The following POU5F1 variants were observed in gnomAD, a reference collection of about 807,000 sequenced individuals.
POU5F1 encodes POU domain, class 5, transcription factor 1.
A neutral mutation model predicts 38.3 loss-of-function variants in POU5F1; 6 were observed. The observed-to-expected ratio is 0.16, with a 90% confidence interval of 0.09 to 0.31. POU5F1 has a LOEUF of 0.31. POU5F1 is among the 10% of genes least tolerant of loss of function. The pLI is 1.00. For synonymous variants in POU5F1, 147 were observed against 194.9 expected (o/e 0.75, Z 2.05); for missense variants, 286 against 462.6 (o/e 0.62, Z 3.50).
chr6:31,164,773 G>A lies in POU5F1; in HGVS notation c.911C>T (p.Pro304Leu). ...QREDFEAAGS[P>L]FSGGPVSFPL... ...AAAGGACACTGGTCCCCCTGAGAAA[G>A]GAGACCCAGCAGCCTCAAAATCCTC... Residue 304 changes from proline (P) to leucine (L), a missense_variant, in exon 5 of 5, where the codon CCT becomes CTT. Transcript: ENST00000259915. 6.2e-7 allele frequency: 1 copy of A among 1,611,862 alleles called. No individual in the cohort carries two copies. Among genetic ancestry groups the A allele is most frequent in the Non-Finnish European group, 8.5e-7 (1 of 1,179,004 alleles).
In POU5F1 at chr6:31,170,652, G is replaced by C. The variant is rs1777601227; in HGVS notation, c.-32C>G. The C allele has an allele frequency of 4.6e-6, 7 of 1,527,622 alleles. No individual in the cohort carries two copies. The highest frequency in any genetic ancestry group is 6.2e-6 in the Non-Finnish European group (7 of 1,136,228). 94.6% of individuals were successfully genotyped at this position (1,527,622 alleles called of 1,614,324 possible). On this transcript the variant is annotated 5_prime_UTR_variant, in exon 1 of 5. Coordinates refer to ENST00000259915, the MANE Select transcript of POU5F1 (RefSeq NM_002701.6). ...GGAAGGCGCCCCAAGCCGGGGGCCT[G>C]GTGAAATGAGGGCTTGCGAAGGGAC...
Position 31,166,031 on chromosome 6 carries a change from G to A in POU5F1, c.422C>T (p.Ala141Val), listed in dbSNP as rs149025884. The change falls in exon 2 of 5, where the codon GCT becomes GTT. Residue 141 changes from alanine (A) to valine (V), a missense_variant. Ala to Val is a moderately conservative substitution (Grantham distance 64). Around this residue, in one of 2 missense-constraint regions of POU5F1, gnomAD observed 110 missense variants for 277.8 expected, o/e 0.40. Transcript: ENST00000259915. ...AAATTGCTCGAGTTCTTTCTGCAGA[G>A]CTTTGATGTCCTGGGACTGGATTTT... ...QNPEESQDIK[A>V]LQKELEQFAK... The A allele has an allele frequency of 1.3e-4, 209 of 1,614,116 alleles. 1 individual carries two copies. The highest frequency in any genetic ancestry group is 1.7e-4 in the Non-Finnish European group (206 of 1,180,054).
chr6:31,166,375 T>C, intron 1 of POU5F1: 1 of 1,405,126 alleles, frequency 7.1e-7, no homozygotes, highest in Non-Finnish European at 9.4e-7. Context: ...GGTTAGAAGT[T>C]CTTTGCTGGG....
chr6:31,165,581 T>C lies in POU5F1; in HGVS notation c.647A>G (p.Asn216Ser). 1 of 1,613,974 alleles carries C rather than the reference T, an allele frequency of 6.2e-7. No individual in the cohort carries two copies. Among genetic ancestry groups the C allele is most frequent in the Non-Finnish European group, 8.5e-7 (1 of 1,180,012 alleles). The change falls in exon 3 of 5, where the codon AAT becomes AGT. Residue 216 changes from asparagine (N) to serine (S), a missense_variant. Physicochemically the swap from Asn to Ser is conservative, Grantham distance 46 (BLOSUM62 1). Around this residue, in one of 2 missense-constraint regions of POU5F1, gnomAD observed 110 missense variants for 277.8 expected, o/e 0.40. Coordinates refer to ENST00000259915, the MANE Select transcript of POU5F1 (RefSeq NM_002701.6). This position sits in a 1 kb window ranked among gnomAD's most constrained non-coding sequence, Gnocchi z 6.5. Reference protein sequence around the residue: ...KWVEEADNNENLQEICKAETL... With the variant: ...KWVEEADNNESLQEICKAETL... ...CCCTCCCACCCTTACCTCCTGAAGA[T>C]TTTCATTGTTGTCAGCTTCCTCCAC...
intron 1 of POU5F1, chr6:31,166,941 C>A: frequency 1.0e-6 from 1 of 972,812 alleles, no homozygotes; most frequent in Non-Finnish European, 1.3e-6. Context: ...TTTGTGTGTA[C>A]TTACTCATTT....
At chr6:31,164,912 T>A (rs1777095595) in intron 4 of POU5F1, 45 bp from the exon 5 acceptor site, 1 of 1,588,052 alleles carries the variant, frequency 6.3e-7, no homozygotes. Context: ...GACAATGAGC[T>A]GAGACGGGCC....
At position 31,165,336 on chromosome 6, in the gene POU5F1, T is replaced by C; in HGVS notation, c.658-50A>G. The C allele has an allele frequency of 6.3e-7, 1 of 1,591,926 alleles. No individual in the cohort carries two copies. Among genetic ancestry groups the C allele is most frequent in the Non-Finnish European group, 8.6e-7 (1 of 1,167,820 alleles). On this transcript the variant is annotated intron_variant, in intron 3 of 4. Coordinates refer to ENST00000259915, the MANE Select transcript of POU5F1 (RefSeq NM_002701.6). This position sits in a 1 kb window ranked among gnomAD's most constrained non-coding sequence, Gnocchi z 6.5. ...AAGGGCAAGCTTTGGACTTGCTGAG[T>C]AACAGCATCACAGGGGTCTGTGACT...
chr6:31,166,117 G>C (rs9501063), intron 1 of POU5F1, 70 bp from the exon 2 acceptor site: 66,479 of 1,613,976 alleles, frequency 0.041, 2,609 homozygotes, highest in East Asian at 0.18. Flanking sequence ...CTTTCCATTC[G>C]GGATTCAAGA....
chr6:31,170,324 T>G lies in POU5F1; in HGVS notation c.297A>C (p.Ala99=). ...GLETSQPEGE[A]GVGVESNSDG... is the part of the protein sequence containing the mutation. Reference sequence around the variant, plus strand: ...CGGAGTTGCTCTCCACCCCGACTCCTGCTTCGCCCTCAGGCTGAGAGGTCT... The same window carrying G: ...CGGAGTTGCTCTCCACCCCGACTCCGGCTTCGCCCTCAGGCTGAGAGGTCT... The change falls in exon 1 of 5, where the codon GCA becomes GCC. Residue 99 remains alanine (A), a synonymous_variant. Transcript: ENST00000259915. 1.2e-6 allele frequency: 2 copies of G among 1,612,794 alleles called. No homozygotes were observed. The highest frequency in any genetic ancestry group is 1.7e-6 in the Non-Finnish European group (2 of 1,179,836).
intron 1 of POU5F1, among the ~76,000 whole-genome samples, chr6:31,168,798 T>C (rs114263479): frequency 0.053 from 8,106 of 152,220 alleles, 273 homozygotes; most frequent in South Asian, 0.11. Context: ...AAATGGCATT[T>C]AAGCCTTGAG....
At position 31,170,429 on chromosome 6, in the gene POU5F1, G is replaced by C. The variant is rs1181397135; in HGVS notation, c.192C>G (p.Pro64=). 3.1e-6 allele frequency: 5 copies of C among 1,611,502 alleles called. No homozygotes were observed. The African/African-American group carries it at 6.7e-5, about 22-fold the overall frequency. ...GSEVWGIPPC[P]PPYEFCGGMA... ...TCCCCCCACAGAACTCATACGGCGG[G>C]GGGCATGGGGGAATCCCCCACACCT... The change falls in exon 1 of 5, where the codon CCC becomes CCG. Residue 64 remains proline, a synonymous_variant. Transcript: ENST00000259915.
In POU5F1 at chr6:31,165,401, G is replaced by A; in HGVS notation, c.658-115C>T. The A allele has an allele frequency of 1.3e-6, 2 of 1,561,400 alleles. No homozygotes were observed. Among genetic ancestry groups the A allele is most frequent in the Non-Finnish European group, 1.7e-6 (2 of 1,150,426 alleles). On this transcript the variant is annotated intron_variant, in intron 3 of 4. Coordinates refer to ENST00000259915, the MANE Select transcript of POU5F1 (RefSeq NM_002701.6). This position sits in a 1 kb window ranked among gnomAD's most constrained non-coding sequence, Gnocchi z 6.5. ...AGCCAGGTGGTGGTGTGAAAAGGCAGGATCCTGGAAGGGTTGGCTCTGGAC... is the reference window on the plus strand; with the variant it reads ...AGCCAGGTGGTGGTGTGAAAAGGCAAGATCCTGGAAGGGTTGGCTCTGGAC...
chr6:31,165,361 T>C lies in POU5F1; in HGVS notation c.658-75A>G. On this transcript the variant is annotated intron_variant, in intron 3 of 4. Transcript: ENST00000259915. This position sits in a 1 kb window ranked among gnomAD's most constrained non-coding sequence, Gnocchi z 6.5. ...TAACAGCATCACAGGGGTCTGTGAC[T>C]AGATGTGTCAGCAGAGCCAGGTGGT... 29 of 1,574,514 alleles carry C rather than the reference T, an allele frequency of 1.8e-5. 1 individual carries two copies. Among genetic ancestry groups the C allele is most frequent in the Non-Finnish European group, 2.5e-5 (29 of 1,157,564 alleles).
chr6:31,168,240 T>A (rs1440490960), intron 1 of POU5F1, among the ~76,000 whole-genome samples: 1 of 18,068 alleles, frequency 5.5e-5, no homozygotes, highest in Non-Finnish European at 1.0e-4. Flanking sequence ...AGCCTCACCT[T>A]TTTTTTTTTT....
Position 31,170,593 on chromosome 6 carries a change from C to G in POU5F1, c.28G>C (p.Ala10Pro), listed in dbSNP as rs910731427. The G allele has an allele frequency of 3.8e-6, 6 of 1,562,852 alleles. No homozygotes were observed. In the African/African-American group the frequency reaches 5.4e-5, roughly 14 times the overall value. The change falls in exon 1 of 5, where the codon GCC (alanine) becomes CCC (proline). Residue 10 changes from alanine to proline, a missense_variant. This residue lies in a region of POU5F1 where 176 missense variants were observed against 184.8 expected (regional missense o/e 0.95). Transcript: ENST00000259915. MAGHLASDFAFSPPPGGGGD... is the reference protein window; with the variant it reads MAGHLASDFPFSPPPGGGGD... ...CCACCACCTGGAGGGGGCGAGAAGG[C>G]GAAATCCGAAGCCAGGTGTCCCGCC...
Position 31,165,788 on chromosome 6 carries a change from C to G in POU5F1, c.527-87G>C. The G allele has an allele frequency of 6.6e-7, 1 of 1,525,266 alleles. No individual in the cohort carries two copies. 94.5% of individuals were successfully genotyped at this position (1,525,266 alleles called of 1,614,324 possible). ...GAGATCCAAGCTTACCACCTCTTCC[C>G]AGAGGGAGCTCAAAGCATCTTCTCC... On this transcript the variant is annotated intron_variant, in intron 2 of 4. Transcript: ENST00000259915. The surrounding 1 kb of genome is among the most constrained non-coding windows in gnomAD (Gnocchi z 6.5).
chr6:31,164,636 C>T lies in POU5F1; in HGVS notation c.1048G>A (p.Val350Ile), dbSNP rs1207558407. The change falls in exon 5 of 5, where the codon GTC (valine) becomes ATC (isoleucine). Residue 350 changes from valine to isoleucine, a missense_variant. Val to Ile is a conservative substitution (Grantham distance 29, BLOSUM62 3). Coordinates refer to ENST00000259915, the MANE Select transcript of POU5F1 (RefSeq NM_002701.6). ...PEGEAFPPVSVTTLGSPMHSN is the reference protein window; with the variant it reads ...PEGEAFPPVSITTLGSPMHSN ...TGCATGGGAGAGCCCAGAGTGGTGA[C>T]GGAGACAGGGGGAAAGGCTTCCCCC... The T allele has an allele frequency of 2.5e-6, 4 of 1,583,676 alleles. No individual in the cohort carries two copies. The highest frequency in any genetic ancestry group is 2.3e-5 in the East Asian group (1 of 43,804).
At chr6:31,169,069 T>A (rs928263794) in intron 1 of POU5F1, among the ~76,000 whole-genome samples, 1 of 152,232 alleles carries the variant, frequency 6.6e-6, no homozygotes, top group East Asian at 1.9e-4. Context: ...ATTTTCCAAA[T>A]TCTGTTTTGG....
chr6:31,168,531 A>G (rs548754019), intron 1 of POU5F1, among the ~76,000 whole-genome samples: 4 of 152,260 alleles, frequency 2.6e-5, no homozygotes, highest in African/African-American at 7.2e-5. Flanking sequence ...CACTGACTCT[A>G]GTTGACGTGT....
Sources: gnomAD v4.1 joint callset for allele counts (sites outside exome capture counted in the v4.1 genomes callset) on GRCh38, gnomAD v4.1.1 for gene constraint, gnomAD v4.1.1 regional missense constraint, Gnocchi (gnomAD v3.1) non-coding constraint, MANE v1.5 for transcripts, NCBI Gene and HGNC (gene_info 2026-07-23, HGNC 2026-07-21) for gene names.